OCA2: variants seen among roughly 807,000 people sequenced by gnomAD.
The protein encoded by OCA2 is OCA2 melanosomal transmembrane protein.
OCA2 carries 77 observed loss-of-function variants against 100.2 expected under a neutral mutation model. The observed-to-expected ratio is 0.77, with a 90% CI of 0.64 to 0.93. OCA2 has a LOEUF of 0.93. Among genes scored for constraint, OCA2 ranks in the 40% least tolerant of loss-of-function variants. OCA2 has a pLI of 0.00. For synonymous variants in OCA2, 432 were observed against 439.2 expected (o/e 0.98, Z 0.21); for missense variants, 1,062 against 1,089.1 (o/e 0.98, Z 0.35).
intron 19 of OCA2, among the ~76,000 whole-genome samples, chr15:27,874,558 A>C (rs1267737679): frequency 6.6e-6 from 1 of 152,246 alleles, no homozygotes; most frequent in African/African-American, 2.4e-5. Context: ...AGCATGAATG[A>C]GAGCAGAAAC....
chr15:27,860,443 T>A (rs901680235), intron 21 of OCA2, among the ~76,000 whole-genome samples: 1 of 152,220 alleles, frequency 6.6e-6, no homozygotes, highest in Non-Finnish European at 1.5e-5. Flanking sequence ...TCAACCCTCG[T>A]CCTCATCCCT....
intron 23 of OCA2, among the ~76,000 whole-genome samples, chr15:27,842,180 G>C (rs777772798): frequency 6.6e-6 from 1 of 152,218 alleles, no homozygotes; most frequent in Non-Finnish European, 1.5e-5. Flanking sequence ...TTTATGTCTT[G>C]TTAAGATGCT....
Position 27,767,146 on chromosome 15 carries a change from C to T in OCA2, c.2433-11674G>A, listed in dbSNP as rs2031327675. ...TTAACCTCCTTGTCAAATTAGTTTCCTCTAGGATCAAGGCTATCAAGCTAC... is the reference window on the plus strand; with the variant it reads ...TTAACCTCCTTGTCAAATTAGTTTCTTCTAGGATCAAGGCTATCAAGCTAC... On this transcript the variant is annotated intron_variant, in intron 23 of 23. Transcript: ENST00000354638. Among the ~76,000 whole-genome samples, 7 of 152,258 alleles carry T rather than the reference C, an allele frequency of 4.6e-5. 1 individual carries two copies. In the South Asian group the frequency reaches 1.5e-3, roughly 32 times the overall value.
At chr15:27,833,062 C>T (rs983247769) in intron 23 of OCA2, among the ~76,000 whole-genome samples, 22 of 152,002 alleles carry the variant, frequency 1.4e-4, no homozygotes, top group Admixed American at 9.8e-4. Flanking sequence ...ATGATCTGCC[C>T]GCCTCAGCCT....
chr15:28,031,672 T>G (rs2042910472), intron 3 of OCA2, among the ~76,000 whole-genome samples: 1 of 152,204 alleles, frequency 6.6e-6, no homozygotes. Context: ...TCCTGTGCAT[T>G]GCAGAATGTT....
intron 23 of OCA2, among the ~76,000 whole-genome samples, chr15:27,831,069 C>T (rs1458271140): frequency 6.6e-6 from 1 of 151,974 alleles, no homozygotes; most frequent in Non-Finnish European, 1.5e-5. Flanking sequence ...AGGCGGACCA[C>T]GAGGTCAGGA....
chr15:27,796,924 G>A (rs139592411), intron 23 of OCA2, among the ~76,000 whole-genome samples: 162 of 152,240 alleles, frequency 1.1e-3, no homozygotes, highest in African/African-American at 3.8e-3. Flanking sequence ...CCTCTGTGAG[G>A]GTAGAGTGTT....
chr15:27,990,227 C>T (rs2041506514), intron 10 of OCA2, among the ~76,000 whole-genome samples: 1 of 152,194 alleles, frequency 6.6e-6, no homozygotes, highest in Non-Finnish European at 1.5e-5. Flanking sequence ...GCCCAACTGA[C>T]TCCCACCTTT....
chr15:27,908,918 G>C (rs116130745), intron 19 of OCA2, among the ~76,000 whole-genome samples: 4 of 152,296 alleles, frequency 2.6e-5, no homozygotes, highest in African/African-American at 9.6e-5. Flanking sequence ...TTAGATAATG[G>C]TGGGAATACT....
At chr15:27,920,248 G>C (rs1178049944) in intron 19 of OCA2, among the ~76,000 whole-genome samples, 3 of 151,960 alleles carry the variant, frequency 2.0e-5, no homozygotes, top group East Asian at 3.9e-4. Context: ...GACCCAAATA[G>C]ATTGAAAGGA....
intron 19 of OCA2, among the ~76,000 whole-genome samples, chr15:27,897,749 A>C (rs2037765898): frequency 6.6e-6 from 1 of 152,170 alleles, no homozygotes; most frequent in Non-Finnish European, 1.5e-5. Context: ...CAGATCCCAG[A>C]ATGGTAGATC....
chr15:27,826,374 C>G (rs1284488504), intron 23 of OCA2, among the ~76,000 whole-genome samples: 1 of 150,116 alleles, frequency 6.7e-6, no homozygotes, highest in South Asian at 2.1e-4. Flanking sequence ...CACACACACA[C>G]AGCAGTAAAC....
At chr15:28,041,835 T>G (rs901356803) in intron 2 of OCA2, among the ~76,000 whole-genome samples, 6 of 152,210 alleles carry the variant, frequency 3.9e-5, no homozygotes, top group African/African-American at 1.4e-4. Flanking sequence ...ATGCAATTTT[T>G]ATAAGGCTCA....
chr15:27,915,184 C>A (rs62001378), intron 19 of OCA2, among the ~76,000 whole-genome samples: 17 of 152,138 alleles, frequency 1.1e-4, no homozygotes, highest in Non-Finnish European at 2.1e-4. Context: ...CAGACCCCTT[C>A]CTTCCATCAC....
chr15:28,029,415 A>T (rs1342769182), intron 3 of OCA2, among the ~76,000 whole-genome samples: 1 of 152,192 alleles, frequency 6.6e-6, no homozygotes, highest in East Asian at 1.9e-4. Context: ...GGAACAAAAA[A>T]AAACCTTTTC....
the OCA2 span, among the ~76,000 whole-genome samples, chr15:27,745,266 T>C: frequency 1.3e-5 from 2 of 152,100 alleles, no homozygotes; most frequent in African/African-American, 4.8e-5. Flanking sequence ...TGTATGTATA[T>C]AGGATAAAAA....
chr15:28,018,993 G>T (rs1364933152), intron 6 of OCA2, among the ~76,000 whole-genome samples: 2 of 152,154 alleles, frequency 1.3e-5, no homozygotes, highest in East Asian at 3.9e-4. Context: ...TTCTTGTCAA[G>T]CAACGCTTAT....
intron 2 of OCA2, among the ~76,000 whole-genome samples, chr15:28,044,329 A>C (rs762245154): frequency 5.9e-5 from 9 of 152,100 alleles, no homozygotes; most frequent in African/African-American, 2.2e-4. Flanking sequence ...TCCTAGGTAG[A>C]CTCTGCCAGT....
At chr15:27,885,239 A>T (rs1013579325) in intron 19 of OCA2, among the ~76,000 whole-genome samples, 1 of 152,220 alleles carries the variant, frequency 6.6e-6, no homozygotes, top group East Asian at 1.9e-4. Context: ...AACTATTAAC[A>T]TGAAATTATT....
Sources: allele counts gnomAD v4.1 joint callset (sites outside exome capture counted in the v4.1 genomes callset), GRCh38; gene constraint gnomAD v4.1.1; transcripts MANE v1.5; gene names NCBI Gene and HGNC (gene_info 2026-07-23, HGNC 2026-07-21).